The following ITGA8 variants were observed in gnomAD, a reference collection of about 807,000 sequenced individuals.
ITGA8 encodes integrin alpha-8.
ITGA8 carries 91 observed loss-of-function variants against 142.3 expected under a neutral mutation model. That is an observed-to-expected ratio of 0.64 (90% CI 0.54 to 0.76). The LOEUF (loss-of-function observed/expected upper bound fraction) is 0.76, where lower values mean the gene tolerates loss of function less well. Ranked by LOEUF, ITGA8 falls within the 30% of genes least tolerant of loss-of-function variation. ITGA8 has a pLI of 0.00. For synonymous variants in ITGA8, 505 were observed against 485.2 expected (o/e 1.04, Z -0.54); for missense variants, 1,406 against 1,327.7 (o/e 1.06, Z -0.92).
At chr10:15,707,961 G>GACACACACACACACACACACAC in intron 2 of ITGA8, among the ~76,000 whole-genome samples, 1 of 144,956 alleles carries the variant, frequency 6.9e-6, no homozygotes, top group South Asian at 2.3e-4. Flanking sequence ...TGCACACACC[G>GACACACACACACACACACACAC]ACACACACAC....
At position 15,565,193 on chromosome 10, in the gene ITGA8, A is replaced by C. The variant is rs151178698; in HGVS notation, c.2638-6991T>G. 3.1e-3 allele frequency among the ~76,000 whole-genome samples: 475 copies of C among 152,352 alleles called. 2 individuals are homozygous for C. The highest frequency in any genetic ancestry group is 5.6e-3 in the Non-Finnish European group (383 of 68,036). On this transcript the variant is annotated intron_variant, in intron 25 of 29. Transcript: ENST00000378076. ...AAGGCAAATACAATTCTTCTATCAC[A>C]GGTAGCATTCCCATAAGAAAGAGGA...
intron 21 of ITGA8, among the ~76,000 whole-genome samples, chr10:15,594,205 GC>G (rs1161657318): frequency 6.6e-6 from 1 of 151,856 alleles, no homozygotes; most frequent in Non-Finnish European, 1.5e-5. Flanking sequence ...CTTTTTAGAA[GC>G]CTTTTAGCTT....
At chr10:15,598,791 G>A (rs1309527346) in intron 20 of ITGA8, among the ~76,000 whole-genome samples, 2 of 152,176 alleles carry the variant, frequency 1.3e-5, no homozygotes, top group African/African-American at 2.4e-5. Flanking sequence ...ACTAATATTT[G>A]GAGGCACAAT....
rs146830550 is a variant in ITGA8 at position 15,604,476 on chromosome 10, C to T, written c.1971-121G>A. Reference sequence around the variant, plus strand: ...GCAAGTGCAAAAAAAGAAGATGGACCATCATGAAGAGATGGTAGGAAGAGG... The same window carrying T: ...GCAAGTGCAAAAAAAGAAGATGGACTATCATGAAGAGATGGTAGGAAGAGG... On this transcript the variant is annotated intron_variant, in intron 19 of 29. Coordinates refer to ENST00000378076, the MANE Select transcript of ITGA8 (RefSeq NM_003638.3). The T allele has an allele frequency of 6.6e-3, 4,249 of 643,560 alleles. 25 individuals are homozygous for T. The highest frequency in any genetic ancestry group is 8.1e-3 in the Non-Finnish European group (3,334 of 412,074). The allele number at this position is 643,560 out of a possible 1,614,324, so 39.9% of individuals were successfully genotyped here. A position where few individuals can be genotyped will look rare whatever the true frequency, so the allele number is the denominator to read the frequency against.
intron 27 of ITGA8, among the ~76,000 whole-genome samples, chr10:15,545,602 A>G (rs930041311): frequency 2.0e-5 from 3 of 152,156 alleles, no homozygotes; most frequent in African/African-American, 7.2e-5. Flanking sequence ...TTCTACCCTA[A>G]GAGGCTACTA....
intron 5 of ITGA8, 99 bp from the exon 6 acceptor site, chr10:15,677,736 A>G (rs188278330): frequency 8.5e-7 from 1 of 1,183,024 alleles, no homozygotes; most frequent in African/African-American, 1.6e-5. Context: ...TGCTCTAACA[A>G]TTTGTTACAC....
chr10:15,639,442 G>T (rs1433200850), intron 13 of ITGA8, among the ~76,000 whole-genome samples: 1 of 152,092 alleles, frequency 6.6e-6, no homozygotes, highest in Non-Finnish European at 1.5e-5. Context: ...TATCTGAAGG[G>T]GTGCTGTGCA....
intron 29 of ITGA8, among the ~76,000 whole-genome samples, chr10:15,518,403 G>A (rs897948065): frequency 9.2e-5 from 14 of 152,206 alleles, no homozygotes; most frequent in African/African-American, 3.4e-4. Flanking sequence ...CTAAAGGCAT[G>A]TCATAGACCA....
chr10:15,648,771 TTATC>T (rs1834033578), intron 11 of ITGA8, among the ~76,000 whole-genome samples: 1 of 152,186 alleles, frequency 6.6e-6, no homozygotes, highest in Non-Finnish European at 1.5e-5. Flanking sequence ...CTTGTGGTGT[TTATC>T]TATTGTCTTC....
chr10:15,637,688 T>G (rs935618075), intron 13 of ITGA8, among the ~76,000 whole-genome samples: 2 of 152,032 alleles, frequency 1.3e-5, no homozygotes, highest in Admixed American at 6.6e-5. Context: ...ATTTTTTGTA[T>G]TTTTAGTAGA....
chr10:15,642,628 C>G (rs977642935), intron 13 of ITGA8, among the ~76,000 whole-genome samples: 7 of 152,026 alleles, frequency 4.6e-5, no homozygotes, highest in African/African-American at 1.4e-4. Context: ...CATAATGTAA[C>G]CTAAGAAAAT....
At chr10:15,579,846 A>G (rs77297333) in intron 23 of ITGA8, among the ~76,000 whole-genome samples, 4,993 of 151,966 alleles carry the variant, frequency 0.033, 282 homozygotes, top group African/African-American at 0.11. Flanking sequence ...TAACAAAAAA[A>G]CCCAACTTAT....
chr10:15,593,893 G>A (rs1381042950), intron 21 of ITGA8, among the ~76,000 whole-genome samples: 1 of 147,536 alleles, frequency 6.8e-6, no homozygotes, highest in East Asian at 2.0e-4. Flanking sequence ...CCAGGTTGAA[G>A]TACAGTGGCA....
chr10:15,531,361 A>C (rs1402716228), intron 27 of ITGA8, among the ~76,000 whole-genome samples: 1 of 151,986 alleles, frequency 6.6e-6, no homozygotes. Context: ...CATCCATCTA[A>C]GCGTCGAAGC....
At chr10:15,560,706 G>A (rs1255568421) in intron 25 of ITGA8, among the ~76,000 whole-genome samples, 1 of 152,110 alleles carries the variant, frequency 6.6e-6, no homozygotes, top group Admixed American at 6.6e-5. Context: ...GAAAAGACAG[G>A]TTTACAACAG....
intron 28 of ITGA8, among the ~76,000 whole-genome samples, chr10:15,526,552 C>T (rs113062937): frequency 0.011 from 1,709 of 152,196 alleles, 26 homozygotes; most frequent in African/African-American, 0.039. Context: ...GGTTTACTTT[C>T]GGCACAGGGG....
intron 27 of ITGA8, among the ~76,000 whole-genome samples, chr10:15,543,940 G>A (rs1288431144): frequency 6.6e-6 from 1 of 152,032 alleles, no homozygotes; most frequent in Non-Finnish European, 1.5e-5. Flanking sequence ...ATGGGAGATG[G>A]AAGGAGAGTA....
chr10:15,569,056 G>C (rs1009755119), intron 25 of ITGA8, among the ~76,000 whole-genome samples: 2 of 152,178 alleles, frequency 1.3e-5, no homozygotes, highest in African/African-American at 4.8e-5. Context: ...GGGGATCAGG[G>C]AGAGGTAACG....
intron 13 of ITGA8, among the ~76,000 whole-genome samples, chr10:15,619,281 A>G (rs1032432199): frequency 1.1e-4 from 17 of 152,140 alleles, no homozygotes; most frequent in African/African-American, 2.9e-4. Flanking sequence ...AAGACACAAT[A>G]ATACTTGTTA....
Sources: allele counts gnomAD v4.1 joint callset (sites outside exome capture counted in the v4.1 genomes callset), GRCh38; gene constraint gnomAD v4.1.1; transcripts MANE v1.5; gene names NCBI Gene and HGNC (gene_info 2026-07-23, HGNC 2026-07-21).